The following PCTP variants were observed in gnomAD, a reference collection of about 807,000 sequenced individuals.
The protein encoded by PCTP is phosphatidylcholine transfer protein, also known as START domain-containing protein 2.
In PCTP, 27 loss-of-function variants were observed where a neutral mutation model predicts 31.0. The observed-to-expected ratio is 0.87, with a 90% CI of 0.64 to 1.20. The LOEUF (loss-of-function observed/expected upper bound fraction) is 1.20, where lower values mean the gene tolerates loss of function less well. Ranked by LOEUF, PCTP falls within the 50% of genes most tolerant of loss-of-function variation. The pLI is 0.00. For synonymous variants in PCTP, 108 were observed against 101.2 expected (o/e 1.07, Z -0.40); for missense variants, 287 against 268.2 (o/e 1.07, Z -0.49).
chr17:55,774,967 T>A, intron 5 of PCTP, 108 bp downstream of exon 5: 13 of 1,213,038 alleles, frequency 1.1e-5, no homozygotes, highest in Non-Finnish European at 1.6e-5. Flanking sequence ...GTCTCAGGCG[T>A]AATGAGGCTC....
chr17:55,751,434 T>A, intron 1 of PCTP, 190 bp downstream of exon 1: 1 of 1,533,986 alleles, frequency 6.5e-7, no homozygotes, highest in Non-Finnish European at 8.7e-7. Context: ...GTGACTGCCG[T>A]GCAGATCCAG....
the PCTP span, among the ~76,000 whole-genome samples, chr17:55,850,608 C>T: frequency 3.9e-4 from 60 of 152,278 alleles, no homozygotes; most frequent in African/African-American, 1.1e-3. Context: ...CAAAGATCTA[C>T]GAAGATCCAA....
downstream of PCTP, among the ~76,000 whole-genome samples, chr17:55,846,233 G>C (rs1003306595): frequency 2.6e-5 from 4 of 152,062 alleles, no homozygotes; most frequent in Non-Finnish European, 5.9e-5. Context: ...AAAATTTCCT[G>C]TTCTCCAGAT....
intron 3 of PCTP, among the ~76,000 whole-genome samples, chr17:55,813,590 C>T (rs1170162870): frequency 3.3e-5 from 5 of 152,162 alleles, no homozygotes; most frequent in Admixed American, 1.3e-4. Context: ...GCTGGGATTA[C>T]AGCTGTGAGC....
intron 1 of PCTP, among the ~76,000 whole-genome samples, chr17:55,756,715 ATGTGTGTGTG>A (rs79186953): frequency 1.5e-4 from 23 of 150,386 alleles, no homozygotes; most frequent in Admixed American, 4.0e-4. Context: ...TGTATTATGA[ATGTGTGTGTG>A]TGTGTGTGTG....
intron 3 of PCTP, among the ~76,000 whole-genome samples, chr17:55,796,669 A>G (rs1167625849): frequency 2.6e-5 from 4 of 151,960 alleles, no homozygotes; most frequent in Non-Finnish European, 4.4e-5. Flanking sequence ...AGGTTTATAT[A>G]TGATTATGAT....
chr17:55,758,257 A>G (rs1347635422), intron 1 of PCTP, among the ~76,000 whole-genome samples: 1 of 152,194 alleles, frequency 6.6e-6, no homozygotes, highest in East Asian at 1.9e-4. Context: ...TTGTCCTTGA[A>G]TAGGGCTTCT....
At chr17:55,761,875 A>C (rs530217496) in intron 1 of PCTP, among the ~76,000 whole-genome samples, 2 of 152,266 alleles carry the variant, frequency 1.3e-5, no homozygotes, top group Non-Finnish European at 2.9e-5. Context: ...TACCAGCACT[A>C]TTCTGTCAGT....
chr17:55,776,312 C>T lies in PCTP; in HGVS notation c.*212C>T, dbSNP rs1487246249. On this transcript the variant is annotated 3_prime_UTR_variant, in exon 6 of 6. Coordinates refer to ENST00000268896, the MANE Select transcript of PCTP (RefSeq NM_021213.4). ...ATGTTTGCCTGACATCCAGCTCACT[C>T]GTCTGCTTCCTTTCTCGCTCCCCCC... The T allele has an allele frequency of 2.9e-6, 4 of 1,361,774 alleles. No individual in the cohort carries two copies. Among genetic ancestry groups the T allele is most frequent in the African/African-American group, 1.5e-5 (1 of 67,840 alleles). The allele number at this position is 1,361,774 out of a possible 1,614,324, so 84.4% of individuals were successfully genotyped here.
chr17:55,824,516 A>G (rs1476684248), downstream of PCTP, among the ~76,000 whole-genome samples: 2 of 152,218 alleles, frequency 1.3e-5, no homozygotes, highest in African/African-American at 2.4e-5. Flanking sequence ...ATAGGCAACA[A>G]TGCAAAGTAT....
chr17:55,792,175 A>C (rs1310998621), intron 3 of PCTP, among the ~76,000 whole-genome samples: 1 of 85,208 alleles, frequency 1.2e-5, no homozygotes, highest in Non-Finnish European at 2.2e-5. Flanking sequence ...GGGAGGGGGG[A>C]GGGTTAGCAT....
intron 5 of PCTP, chr17:55,775,734 G>A (rs1597989954): frequency 4.0e-6 from 5 of 1,252,764 alleles, no homozygotes; most frequent in Middle Eastern, 3.0e-4. Flanking sequence ...TCCAGCCCAA[G>A]CCCATTTCTT....
intron 3 of PCTP, among the ~76,000 whole-genome samples, chr17:55,797,802 T>G (rs1025112930): frequency 6.6e-6 from 1 of 152,020 alleles, no homozygotes; most frequent in Non-Finnish European, 1.5e-5. Context: ...ACTCAAATTA[T>G]TGCTACACTT....
downstream of PCTP, among the ~76,000 whole-genome samples, chr17:55,827,778 G>A (rs954932307): frequency 6.6e-6 from 1 of 152,160 alleles, no homozygotes; most frequent in Non-Finnish European, 1.5e-5. Context: ...TTTTTTCAGT[G>A]AAAGTCCAGG....
chr17:55,840,866 A>AT (rs1274387476), intron 5 of PCTP, among the ~76,000 whole-genome samples: 3 of 152,232 alleles, frequency 2.0e-5, no homozygotes, highest in Admixed American at 6.5e-5. Flanking sequence ...TAGATTCTGG[A>AT]TTTTTGGATT....
intron 3 of PCTP, among the ~76,000 whole-genome samples, chr17:55,819,104 C>T (rs756360087): frequency 6.7e-6 from 1 of 148,442 alleles, no homozygotes; most frequent in African/African-American, 2.5e-5. Flanking sequence ...ATAACAGCGA[C>T]ACCCCTTCAT....
At chr17:55,766,492 A>G (rs903168105) in intron 1 of PCTP, among the ~76,000 whole-genome samples, 4 of 138,714 alleles carry the variant, frequency 2.9e-5, no homozygotes, top group African/African-American at 8.2e-5. Flanking sequence ...ATTCCCACCT[A>G]TGAGTGAGAA....
chr17:55,782,616 T>C (rs1356373183), intron 2 of PCTP, among the ~76,000 whole-genome samples: 1 of 152,188 alleles, frequency 6.6e-6, no homozygotes, highest in Non-Finnish European at 1.5e-5. Context: ...CTAGATCCCA[T>C]GCTTCCACAT....
chr17:55,843,393 C>T (rs1474170296), downstream of PCTP, among the ~76,000 whole-genome samples: 1 of 152,080 alleles, frequency 6.6e-6, no homozygotes, highest in Non-Finnish European at 1.5e-5. Flanking sequence ...TGATCTGCCC[C>T]CCTCCCCATC....
Sources: allele counts gnomAD v4.1 joint callset (sites outside exome capture counted in the v4.1 genomes callset), GRCh38; gene constraint gnomAD v4.1.1; transcripts MANE v1.5; gene names NCBI Gene and HGNC (gene_info 2026-07-23, HGNC 2026-07-21).